The following ADAMTS3 variants were observed in gnomAD, a reference collection of about 807,000 sequenced individuals.
ADAMTS3 encodes A disintegrin and metalloproteinase with thrombospondin motifs 3.
ADAMTS3 carries 73 observed loss-of-function variants against 129.0 expected under a neutral mutation model. The ratio of observed to expected loss-of-function variants is 0.57; its 90% CI spans 0.47 to 0.69. ADAMTS3 has a LOEUF of 0.69. Among genes scored for constraint, ADAMTS3 ranks in the 30% least tolerant of loss-of-function variants. The pLI is 0.00. For synonymous variants in ADAMTS3, 477 were observed against 510.8 expected, an observed-to-expected ratio of 0.93 and a Z score of 0.89; for missense variants, 1,457 against 1,514.5, an observed-to-expected ratio of 0.96 and a Z score of 0.63.
intron 2 of ADAMTS3, among the ~76,000 whole-genome samples, chr4:72,564,430 G>A (rs1721975714): frequency 2.6e-5 from 4 of 152,262 alleles, no homozygotes; most frequent in South Asian, 2.1e-4. Context: ...AGAAATGACA[G>A]TGCTCCCTGA....
intron 12 of ADAMTS3, 50 bp from the exon 13 acceptor site, chr4:72,312,516 T>A (rs200306460): frequency 6.3e-7 from 1 of 1,585,502 alleles, no homozygotes; most frequent in Non-Finnish European, 8.6e-7. Context: ...TGTCTAGCAG[T>A]TGAAGCTTGC....
rs1255199805 is a variant in ADAMTS3 at position 72,339,698 on chromosome 4, T to A, written c.662-5A>T. 1 of 1,612,914 alleles carries A rather than the reference T, an allele frequency of 6.2e-7. No individual in the cohort carries two copies. Among genetic ancestry groups the A allele is most frequent in the Non-Finnish European group, 8.5e-7 (1 of 1,179,360 alleles). On this transcript the variant is annotated splice_polypyrimidine_tract_variant and splice_region_variant and intron_variant, in intron 4 of 21. Transcript: ENST00000286657. ...CAAGGCCTTCCAGGTCCGACTCTAA[T>A]AAGAGACAAAAGGAACCAGGAATTT...
intron 3 of ADAMTS3, among the ~76,000 whole-genome samples, chr4:72,537,612 AAACAAC>A (rs147374829): frequency 6.6e-6 from 1 of 152,032 alleles, no homozygotes; most frequent in African/African-American, 2.4e-5. Flanking sequence ...ACAAACAAAT[AAACAAC>A]AACAACAACA....
chr4:72,305,357 G>T (rs2109789744), intron 16 of ADAMTS3, among the ~76,000 whole-genome samples: 1 of 152,090 alleles, frequency 6.6e-6, no homozygotes, highest in African/African-American at 2.4e-5. Flanking sequence ...ATTCACCTGT[G>T]GTTGCTTTTC....
At chr4:72,487,109 T>C (rs940139987) in intron 3 of ADAMTS3, among the ~76,000 whole-genome samples, 27 of 152,088 alleles carry the variant, frequency 1.8e-4, no homozygotes, top group African/African-American at 6.5e-4. Context: ...GTGACCACTG[T>C]ATGCCAAAGG....
intron 4 of ADAMTS3, among the ~76,000 whole-genome samples, chr4:72,409,449 T>A (rs1722132453): frequency 6.6e-6 from 1 of 152,186 alleles, no homozygotes; most frequent in Non-Finnish European, 1.5e-5. Flanking sequence ...GTCAAACATA[T>A]TTAAAACCTC....
intron 4 of ADAMTS3, among the ~76,000 whole-genome samples, chr4:72,364,761 A>C (rs1383282109): frequency 6.6e-6 from 1 of 152,140 alleles, no homozygotes; most frequent in Non-Finnish European, 1.5e-5. Flanking sequence ...ATTTTTAAAA[A>C]AATGTTAAAT....
intron 5 of ADAMTS3, among the ~76,000 whole-genome samples, chr4:72,330,168 A>C (rs2109820775): frequency 6.6e-6 from 1 of 151,954 alleles, no homozygotes; most frequent in South Asian, 2.1e-4. Context: ...ACAGGTGCAC[A>C]CCACCACACC....
chr4:72,409,114 C>T (rs558243721), intron 4 of ADAMTS3, among the ~76,000 whole-genome samples: 3 of 151,936 alleles, frequency 2.0e-5, no homozygotes, highest in South Asian at 4.2e-4. Context: ...TAAGGAGGCA[C>T]GCTTGGCATG....
intron 3 of ADAMTS3, among the ~76,000 whole-genome samples, chr4:72,435,574 T>C (rs1034897705): frequency 6.6e-6 from 1 of 151,860 alleles, no homozygotes; most frequent in Non-Finnish European, 1.5e-5. Flanking sequence ...GTATTAAAAC[T>C]GTATGCTTAC....
intron 3 of ADAMTS3, among the ~76,000 whole-genome samples, chr4:72,440,422 GA>G (rs966436407): frequency 4.3e-4 from 66 of 151,790 alleles, no homozygotes; most frequent in Admixed American, 2.9e-3. Flanking sequence ...TTGCATAGGG[GA>G]AAAAAATCAT....
chr4:72,313,940 G>C, intron 11 of ADAMTS3, 118 bp from the exon 12 acceptor site: 1 of 1,157,648 alleles, frequency 8.6e-7, no homozygotes. Flanking sequence ...TCCAGGTGGA[G>C]ATGCATTTAA....
At chr4:72,480,897 A>G (rs1719416720) in intron 3 of ADAMTS3, among the ~76,000 whole-genome samples, 1 of 151,972 alleles carries the variant, frequency 6.6e-6, no homozygotes, top group African/African-American at 2.4e-5. Flanking sequence ...GCAAAAATAA[A>G]TTGTATTTTA....
At chr4:72,291,496 C>T (rs549803230) in intron 19 of ADAMTS3, among the ~76,000 whole-genome samples, 5 of 148,644 alleles carry the variant, frequency 3.4e-5, no homozygotes, top group Admixed American at 2.7e-4. Flanking sequence ...TGAGAACATG[C>T]GGTGTTTCGT....
chr4:72,497,391 C>T (rs961619264), intron 3 of ADAMTS3, among the ~76,000 whole-genome samples: 1 of 151,796 alleles, frequency 6.6e-6, no homozygotes, highest in Non-Finnish European at 1.5e-5. Context: ...TTCTGTTCTA[C>T]AGAATGTAAC....
chr4:72,512,577 A>G (rs184055047), intron 3 of ADAMTS3, among the ~76,000 whole-genome samples: 1 of 152,350 alleles, frequency 6.6e-6, no homozygotes, highest in Non-Finnish European at 1.5e-5. Flanking sequence ...ACTAAATTGT[A>G]TATTTTAACA....
chr4:72,319,781 C>T, intron 8 of ADAMTS3, 77 bp downstream of exon 8: 3 of 1,232,254 alleles, frequency 2.4e-6, no homozygotes, highest in Non-Finnish European at 3.5e-6. Context: ...GCATTCTGCC[C>T]AAAGAGGAAA....
At chr4:72,532,144 C>T (rs1005554563) in intron 3 of ADAMTS3, among the ~76,000 whole-genome samples, 3 of 151,654 alleles carry the variant, frequency 2.0e-5, no homozygotes, top group Non-Finnish European at 4.4e-5. Context: ...ATACAAGAAA[C>T]AGACAGTAGA....
intron 2 of ADAMTS3, among the ~76,000 whole-genome samples, chr4:72,557,457 A>G (rs948090024): frequency 5.4e-4 from 82 of 151,836 alleles, no homozygotes; most frequent in Non-Finnish European, 5.9e-5. Flanking sequence ...CAAATCCTCT[A>G]GGCTCTTATC....
Sources: allele counts gnomAD v4.1 joint callset (sites outside exome capture counted in the v4.1 genomes callset), GRCh38; gene constraint gnomAD v4.1.1; transcripts MANE v1.5; gene names NCBI Gene and HGNC (gene_info 2026-07-23, HGNC 2026-07-21).